PAX9: variants seen among roughly 807,000 people sequenced by gnomAD.
PAX9 encodes paired box protein Pax-9.
Under a neutral mutation model 29.1 loss-of-function variants are expected in PAX9, and 6 were observed. The observed-to-expected ratio is 0.21, with a 90% CI of 0.11 to 0.41. The LOEUF is 0.41. PAX9 is among the 10% of genes least tolerant of loss of function. The pLI is 1.00. For synonymous variants in PAX9, 217 were observed against 211.7 expected (o/e 1.03, Z -0.22); for missense variants, 443 against 479.1 (o/e 0.92, Z 0.70).
At chr14:36,660,050 AG>A (rs200381969), upstream of PAX9, among the ~76,000 whole-genome samples, 1 of 152,110 alleles carries the variant, frequency 6.6e-6, no homozygotes, top group East Asian at 1.9e-4. Context: ...CCTGTCTGTG[AG>A]GGGGGAGGAG....
intron 3 of PAX9, among the ~76,000 whole-genome samples, chr14:36,670,778 A>C (rs913873396): frequency 6.6e-6 from 1 of 152,080 alleles, no homozygotes; most frequent in African/African-American, 2.4e-5. Context: ...AAATTTTTCA[A>C]GGCTATGTCA....
chr14:36,666,353 G>T (rs1475009941), intron 2 of PAX9, 109 bp from the exon 3 acceptor site: 1 of 1,438,818 alleles, frequency 7.0e-7, no homozygotes, highest in Admixed American at 2.3e-5. Flanking sequence ...GCAGGGAGCC[G>T]ACCCAAGGTC....
intron 3 of PAX9, among the ~76,000 whole-genome samples, chr14:36,674,900 T>C (rs17104951): frequency 0.027 from 4,041 of 152,324 alleles, 172 homozygotes; most frequent in African/African-American, 0.09. Context: ...TTCTATTCCA[T>C]GTACATATTC....
intron 2 of PAX9, among the ~76,000 whole-genome samples, chr14:36,664,623 G>T (rs1268975913): frequency 6.7e-6 from 1 of 149,568 alleles, no homozygotes; most frequent in African/African-American, 2.5e-5. Context: ...AGAAAAGAAA[G>T]TCTGAATGAC....
intron 3 of PAX9, among the ~76,000 whole-genome samples, chr14:36,666,936 G>T (rs540460639): frequency 6.6e-6 from 1 of 152,282 alleles, no homozygotes; most frequent in Admixed American, 6.5e-5. Flanking sequence ...AAGCCCTTTC[G>T]GCGGCTCTCG....
In PAX9 at chr14:36,679,284, T is replaced by TATG. The variant is rs1473307983; in HGVS notation, c.*2833_*2835dup. The TATG allele has an allele frequency of 1.5e-5, 15 of 978,436 alleles. No individual in the cohort carries two copies. The highest frequency in any genetic ancestry group is 1.8e-5 in the Non-Finnish European group (15 of 823,746). 60.6% of individuals were successfully genotyped at this position (978,436 alleles called of 1,614,324 possible). The stretch of plus-strand genomic sequence containing the variant: ...TTGGAAAGGATGTACAACAGAAGGC[T>TATG]ATGTATGTATATACAGTATGTCAAA... On this transcript the variant is annotated 3_prime_UTR_variant, in exon 4 of 4. Coordinates refer to ENST00000361487, the MANE Select transcript of PAX9 (RefSeq NM_001372076.1).
At position 36,671,041 on chromosome 14, in the gene PAX9, A is replaced by T. The variant is rs114412561; in HGVS notation, c.771+4440A>T. 782 of 434,744 alleles carry T rather than the reference A, an allele frequency of 1.8e-3. 5 individuals are homozygous for T. The highest frequency in any genetic ancestry group is 0.015 in the African/African-American group (728 of 48,796). The allele number at this position is 434,744 out of a possible 1,614,324, so 26.9% of individuals were successfully genotyped here. A position where few individuals can be genotyped will look rare whatever the true frequency, so the allele number is the denominator to read the frequency against. On this transcript the variant is annotated intron_variant, in intron 3 of 3. Coordinates refer to ENST00000361487, the MANE Select transcript of PAX9 (RefSeq NM_001372076.1). ...CACCAAAAAAGAGAAAATCTTGTTT[A>T]TTTTCAGATCCAAAACTTTTTCTTG... is the stretch of plus-strand genomic sequence containing the variant.
chr14:36,670,813 A>G (rs1881669783), intron 3 of PAX9, among the ~76,000 whole-genome samples: 1 of 152,084 alleles, frequency 6.6e-6, no homozygotes, highest in Non-Finnish European at 1.5e-5. Context: ...TTGGAAAATT[A>G]TAAAATTTAG....
chr14:36,669,450 TA>T (rs1196973850), intron 3 of PAX9, among the ~76,000 whole-genome samples: 1 of 152,180 alleles, frequency 6.6e-6, no homozygotes, highest in African/African-American at 2.4e-5. Flanking sequence ...AAAAAAGCTT[TA>T]AAATTTTTCC....
In PAX9 at chr14:36,677,073, C is replaced by T. The variant is rs1292530830; in HGVS notation, c.*621C>T. The T allele has an allele frequency of 6.4e-6, 1 of 157,422 alleles. No individual in the cohort carries two copies. Among genetic ancestry groups the T allele is most frequent in the African/African-American group, 2.4e-5 (1 of 41,446 alleles). 9.8% of individuals were successfully genotyped at this position (157,422 alleles called of 1,614,324 possible). Reference sequence around the variant, plus strand: ...CTCTCCCTGGTGTTTTGACTTGGTTCCAAATACAATAATGTTTATATTTTC... The same window carrying T: ...CTCTCCCTGGTGTTTTGACTTGGTTTCAAATACAATAATGTTTATATTTTC... On this transcript the variant is annotated 3_prime_UTR_variant, in exon 4 of 4. Coordinates refer to ENST00000361487, the MANE Select transcript of PAX9 (RefSeq NM_001372076.1).
In PAX9 at chr14:36,676,512, C is replaced by T. The variant is rs181408965; in HGVS notation, c.*60C>T. ...CTCCCTGTCTCAGCACCTCCTCCCC[C>T]AATTCCCAGGTCTCACATCCCACCC... On this transcript the variant is annotated 3_prime_UTR_variant, in exon 4 of 4. Coordinates refer to ENST00000361487, the MANE Select transcript of PAX9 (RefSeq NM_001372076.1). 8 of 1,591,864 alleles carry T rather than the reference C, an allele frequency of 5.0e-6. No individual in the cohort carries two copies. The Admixed American group carries it at 6.8e-5, about 13-fold the overall frequency.
chr14:36,672,745 G>A (rs1353060607), intron 3 of PAX9, among the ~76,000 whole-genome samples: 1 of 148,232 alleles, frequency 6.7e-6, no homozygotes, highest in Non-Finnish European at 1.5e-5. Flanking sequence ...AGAAAACTAA[G>A]GGCTATTTTT....
At chr14:36,670,119 T>C (rs543740007) in intron 3 of PAX9, among the ~76,000 whole-genome samples, 2 of 152,156 alleles carry the variant, frequency 1.3e-5, no homozygotes, top group African/African-American at 4.8e-5. Context: ...AAACTATATA[T>C]AAATAATTGT....
At chr14:36,658,071 G>T (rs1356889101), upstream of PAX9, among the ~76,000 whole-genome samples, 2 of 152,104 alleles carry the variant, frequency 1.3e-5, no homozygotes, top group African/African-American at 2.4e-5. Context: ...GGCGCGGGGC[G>T]AGCTTCTGGC....
At chr14:36,665,743 C>G (rs1274938901) in intron 2 of PAX9, among the ~76,000 whole-genome samples, 1 of 152,036 alleles carries the variant, frequency 6.6e-6, no homozygotes, top group Admixed American at 6.5e-5. Context: ...AAAACCCTGC[C>G]ACTAACACCC....
intron 2 of PAX9, 22 bp downstream of exon 2, chr14:36,663,545 G>C (rs774895762): frequency 1.2e-6 from 2 of 1,612,260 alleles, no homozygotes; most frequent in African/African-American, 2.7e-5. Flanking sequence ...GAGGCTGGGC[G>C]TGTGGATGTG....
chr14:36,664,194 T>A (rs1881402660), intron 2 of PAX9, among the ~76,000 whole-genome samples: 1 of 152,236 alleles, frequency 6.6e-6, no homozygotes, highest in African/African-American at 2.4e-5. Flanking sequence ...TCTCTCTCTC[T>A]TTCTCTCTCC....
rs1049781747 is a variant in PAX9, at chr14:36,677,945, C to T, written c.*1493C>T. ...AAAATTCTACAGTTTTTAATCCCTT[C>T]TGTTTAGGAAGTTCTTCCTGTTTGG... On this transcript the variant is annotated 3_prime_UTR_variant, in exon 4 of 4. Transcript: ENST00000361487. 3 of 152,832 alleles carry T rather than the reference C, an allele frequency of 2.0e-5. No homozygotes were observed. Among genetic ancestry groups the T allele is most frequent in the Non-Finnish European group, 2.9e-5 (2 of 68,486 alleles). 9.5% of individuals were successfully genotyped at this position (152,832 alleles called of 1,614,324 possible).
chr14:36,673,484 A>G (rs1881769670), intron 3 of PAX9, among the ~76,000 whole-genome samples: 1 of 152,196 alleles, frequency 6.6e-6, no homozygotes, highest in African/African-American at 2.4e-5. Flanking sequence ...CAGGAACATT[A>G]TCTAAGATAA....
Sources: allele counts gnomAD v4.1 joint callset (sites outside exome capture counted in the v4.1 genomes callset), GRCh38; gene constraint gnomAD v4.1.1; transcripts MANE v1.5; gene names NCBI Gene and HGNC (gene_info 2026-07-23, HGNC 2026-07-21).